Variants in CROCC observed in about 807,000 individuals in gnomAD.
CROCC encodes the protein rootletin.
Under a neutral mutation model 245.2 loss-of-function variants are expected in CROCC, and 180 were observed. That is an observed-to-expected ratio of 0.73 (90% CI 0.65 to 0.83). CROCC has a LOEUF of 0.83. Ranked by LOEUF, CROCC falls within the 40% of genes least tolerant of loss-of-function variation. The probability of loss-of-function intolerance (pLI) is 0.00; values close to 1 mark genes in which losing one functional copy is unlikely to be tolerated. For missense variants in CROCC, 2,688 were observed against 2,779.4 expected, an observed-to-expected ratio of 0.97 and a Z score of 0.74; for synonymous variants, 1,205 against 1,241.6, an observed-to-expected ratio of 0.97 and a Z score of 0.62.
At chr1:16,951,252 G>C in intron 20 of CROCC, 130 bp downstream of exon 20, 1 of 803,738 alleles carries the variant, frequency 1.2e-6, no homozygotes, top group Non-Finnish European at 1.8e-6. Flanking sequence ...GGACAGCTAG[G>C]AGGACTGGGG....
At position 16,966,603 on chromosome 1, in the gene CROCC, G is replaced by A. The variant is rs1195617789; in HGVS notation, c.4860+32G>A. On this transcript the variant is annotated intron_variant, in intron 30 of 36. Coordinates refer to ENST00000375541, the MANE Select transcript of CROCC (RefSeq NM_014675.5). This position sits in a 1 kb window ranked among gnomAD's most constrained non-coding sequence, Gnocchi z 4.8. ...AGGAGCTGAGGGCCAGCGGGGCGAC[G>A]GGGAATCTGTGTACCCGAGTGAGTG... The A allele has an allele frequency of 1.7e-5, 24 of 1,450,876 alleles. No homozygotes were observed. Among genetic ancestry groups the A allele is most frequent in the Non-Finnish European group, 2.0e-5 (22 of 1,104,286 alleles). The allele number at this position is 1,450,876 out of a possible 1,614,324, so 89.9% of individuals were successfully genotyped here.
At chr1:16,970,152 C>G (rs556853444) in intron 33 of CROCC, 101 bp from the exon 34 acceptor site, 2 of 1,280,496 alleles carry the variant, frequency 1.6e-6, no homozygotes, top group East Asian at 2.6e-5. Context: ...TGGGCCTCAC[C>G]GTCGCCTGCT....
Position 16,952,223 on chromosome 1 carries a change from T to C in CROCC, c.3007-1079T>C, listed in dbSNP as rs551518522. On this transcript the variant is annotated intron_variant, in intron 20 of 36. Coordinates refer to ENST00000375541, the MANE Select transcript of CROCC (RefSeq NM_014675.5). ...CGGTTTGGCCGGTCGTGCTGACTCA[T>C]GCCTGTAATCCAGCACTTTGGGAGG... 3.4e-5 allele frequency among the ~76,000 whole-genome samples: 5 copies of C among 145,766 alleles called. 1 individual carries two copies. In the South Asian group the frequency reaches 7.3e-4, roughly 21 times the overall value.
intron 30 of CROCC, among the ~76,000 whole-genome samples, chr1:16,967,252 T>C (rs1570715073): frequency 6.6e-6 from 1 of 152,042 alleles, no homozygotes; most frequent in East Asian, 1.9e-4. Context: ...GGTTTTTATG[T>C]GTGTTTGGGG....
At position 16,954,315 on chromosome 1, in the gene CROCC, G is replaced by A; in HGVS notation, c.3279G>A (p.Glu1093=). 1 of 1,612,144 alleles carries A rather than the reference G, an allele frequency of 6.2e-7. No individual in the cohort carries two copies. Among genetic ancestry groups the A allele is most frequent in the Non-Finnish European group, 8.5e-7 (1 of 1,179,956 alleles). The part of the protein sequence containing the change: ...HSLATISLEM[E]RQKRDAQSRQ... Reference sequence around the variant, plus strand: ...TGGCCACCATCTCCCTGGAGATGGAGCGGCAGAAACGAGATGCCCAGAGCC... The same window carrying A: ...TGGCCACCATCTCCCTGGAGATGGAACGGCAGAAACGAGATGCCCAGAGCC... The change falls in exon 22 of 37, where the codon GAG becomes GAA. Residue 1093 remains glutamate, a synonymous_variant. Transcript: ENST00000375541. This position sits in a 1 kb window ranked among gnomAD's most constrained non-coding sequence, Gnocchi z 4.4.
In CROCC at chr1:16,972,375, G is replaced by A; in HGVS notation, c.5983G>A (p.Gly1995Ser). ...GLEEQVSTLK[G>S]QLQQELRRSS... ...TCTTCCCCAGGTGTCCACACTGAAG[G>A]GCCAGCTGCAGCAGGAGCTTCGAAG... The change falls in exon 37 of 37, where the codon GGC becomes AGC. Residue 1995 changes from glycine to serine, a missense_variant. Physicochemically the swap from Gly to Ser is moderately conservative, Grantham distance 56. Coordinates refer to ENST00000375541, the MANE Select transcript of CROCC (RefSeq NM_014675.5). The A allele has an allele frequency of 1.2e-6, 2 of 1,613,760 alleles. No individual in the cohort carries two copies. Among genetic ancestry groups the A allele is most frequent in the Non-Finnish European group, 1.7e-6 (2 of 1,179,824 alleles).
chr1:16,953,625 G>A, intron 21 of CROCC, 144 bp downstream of exon 21: 1 of 726,166 alleles, frequency 1.4e-6, no homozygotes, highest in Non-Finnish European at 2.2e-6. Context: ...CTGCAGGAGG[G>A]GAGGATTAGA....
At chr1:16,951,299 T>C (rs1158951086) in intron 20 of CROCC, 177 bp downstream of exon 20, 1 of 508,972 alleles carries the variant, frequency 2.0e-6, no homozygotes, top group Non-Finnish European at 3.3e-6. Context: ...GACATGCAGA[T>C]TCCCAGGTCC....
chr1:16,970,632 C>G lies in CROCC; in HGVS notation c.5653-4C>G. On this transcript the variant is annotated splice_region_variant and splice_polypyrimidine_tract_variant and intron_variant, in intron 34 of 36. Coordinates refer to ENST00000375541, the MANE Select transcript of CROCC (RefSeq NM_014675.5). Reference sequence around the variant, plus strand: ...CCCTGATCTCCTGTGGCTCTCCTGCCTAGGTGGAGCGGGAGAAGCTTCGTA... The same window carrying G: ...CCCTGATCTCCTGTGGCTCTCCTGCGTAGGTGGAGCGGGAGAAGCTTCGTA... 1 of 1,541,362 alleles carries G rather than the reference C, an allele frequency of 6.5e-7. No individual in the cohort carries two copies. The highest frequency in any genetic ancestry group is 8.7e-7 in the Non-Finnish European group (1 of 1,142,956).
At chr1:16,943,444 AGG>A (rs2075974980) in intron 13 of CROCC, among the ~76,000 whole-genome samples, 1 of 152,198 alleles carries the variant, frequency 6.6e-6, no homozygotes, top group Non-Finnish European at 1.5e-5. Flanking sequence ...AGGCTGAGGC[AGG>A]AGAATGGCGT....
intron 1 of CROCC, among the ~76,000 whole-genome samples, chr1:16,916,416 C>T (rs982249256): frequency 2.9e-4 from 44 of 152,280 alleles, no homozygotes; most frequent in Admixed American, 9.8e-4. Context: ...GCCATCTCAG[C>T]AGTCCAGGCA....
chr1:16,946,125 A>G, intron 15 of CROCC, 134 bp from the exon 16 acceptor site: 2 of 1,026,712 alleles, frequency 1.9e-6, no homozygotes, highest in African/African-American at 1.6e-5. Context: ...TTTTTTTTCC[A>G]TCTCACACTG....
intron 32 of CROCC, 135 bp downstream of exon 32, chr1:16,969,475 G>A: frequency 1.1e-6 from 1 of 919,564 alleles, no homozygotes; most frequent in African/African-American, 1.7e-5. Flanking sequence ...GGCTTTGAAG[G>A]GAGGGCGTGG....
chr1:16,927,844 C>T (rs1192598813), intron 3 of CROCC, among the ~76,000 whole-genome samples: 5 of 152,292 alleles, frequency 3.3e-5, no homozygotes, highest in Non-Finnish European at 7.3e-5. Flanking sequence ...TCCACCTCCC[C>T]TGCACAGCCT....
In CROCC at chr1:16,921,988, G is replaced by C. The variant is rs2075416126; in HGVS notation, c.-31G>C. 7 of 1,543,480 alleles carry C rather than the reference G, an allele frequency of 4.5e-6. No homozygotes were observed. Among genetic ancestry groups the C allele is most frequent in the Non-Finnish European group, 5.3e-6 (6 of 1,139,924 alleles). Reference sequence around the variant, plus strand: ...GCTAGTCTTGGGGTCCTGGAGAAGGGGGCTGGAGGCATGCCCACAGCCTCC... The same window carrying C: ...GCTAGTCTTGGGGTCCTGGAGAAGGCGGCTGGAGGCATGCCCACAGCCTCC... On this transcript the variant is annotated 5_prime_UTR_variant, in exon 1 of 37. Transcript: ENST00000375541.
At chr1:16,937,800 C>T (rs566825463) in intron 10 of CROCC, 63 bp downstream of exon 10, 33 of 1,450,708 alleles carry the variant, frequency 2.3e-5, no homozygotes, top group African/African-American at 5.5e-5. Flanking sequence ...GATCCATGGA[C>T]GCAGGCTTAG....
At chr1:16,949,497 A>G (rs957680102) in intron 19 of CROCC, among the ~76,000 whole-genome samples, 5 of 152,240 alleles carry the variant, frequency 3.3e-5, no homozygotes, top group African/African-American at 1.2e-4. Context: ...GATGGTAGCT[A>G]TACCATTTCC....
At chr1:16,935,722 C>A (rs1193042980) in intron 8 of CROCC, among the ~76,000 whole-genome samples, 1 of 152,286 alleles carries the variant, frequency 6.6e-6, no homozygotes, top group Non-Finnish European at 1.5e-5. Flanking sequence ...CCAAGCCTGG[C>A]CTTCCACTGC....
chr1:16,963,395 CAG>C (rs1183134388), intron 27 of CROCC, among the ~76,000 whole-genome samples: 1 of 151,784 alleles, frequency 6.6e-6, no homozygotes, highest in African/African-American at 2.4e-5. Flanking sequence ...GAGCATCAAG[CAG>C]GGGGGTGAGA....
Sources: allele counts gnomAD v4.1 joint callset (sites outside exome capture counted in the v4.1 genomes callset), GRCh38; gene constraint gnomAD v4.1.1; non-coding constraint Gnocchi (gnomAD v3.1); transcripts MANE v1.5; gene names NCBI Gene and HGNC (gene_info 2026-07-23, HGNC 2026-07-21).